ATP8A2: variants seen among roughly 807,000 people sequenced by gnomAD.
ATP8A2 encodes ATPase phospholipid transporting 8A2.
A neutral mutation model predicts 165.6 loss-of-function variants in ATP8A2; 100 were observed. The ratio of observed to expected loss-of-function variants is 0.60; its 90% CI spans 0.51 to 0.71. The LOEUF is 0.71. Ranked by LOEUF, ATP8A2 falls within the 30% of genes least tolerant of loss-of-function variation. The probability of loss-of-function intolerance (pLI) is 0.00; values close to 1 mark genes in which losing one functional copy is unlikely to be tolerated. For synonymous variants in ATP8A2, 543 were observed against 548.8 expected (o/e 0.99, Z 0.15); for missense variants, 1,227 against 1,479.5 (o/e 0.83, Z 2.80).
At chr13:25,766,449 AT>A (rs1382089728) in intron 25 of ATP8A2, among the ~76,000 whole-genome samples, 5 of 152,194 alleles carry the variant, frequency 3.3e-5, no homozygotes, top group Non-Finnish European at 7.3e-5. Context: ...TGACAATGGC[AT>A]GTGGTGATGT....
chr13:25,975,547 A>C (rs1323200028), intron 35 of ATP8A2, among the ~76,000 whole-genome samples: 1 of 151,856 alleles, frequency 6.6e-6, no homozygotes, highest in African/African-American at 2.4e-5. Flanking sequence ...GCGCCACTGC[A>C]CTCCAGCCTG....
At chr13:25,707,687 T>G (rs748326524) in intron 25 of ATP8A2, among the ~76,000 whole-genome samples, 9 of 152,248 alleles carry the variant, frequency 5.9e-5, no homozygotes, top group Non-Finnish European at 1.0e-4. Context: ...ATATGCTGTG[T>G]AATTGGGAAC....
intron 24 of ATP8A2, among the ~76,000 whole-genome samples, chr13:25,642,835 T>G (rs1444553582): frequency 6.6e-6 from 1 of 152,124 alleles, no homozygotes; most frequent in Non-Finnish European, 1.5e-5. Context: ...AGTGATAGAC[T>G]GGATTAAGAA....
intron 33 of ATP8A2, among the ~76,000 whole-genome samples, chr13:25,915,823 G>C (rs1181078096): frequency 6.6e-6 from 1 of 152,172 alleles, no homozygotes; most frequent in Non-Finnish European, 1.5e-5. Context: ...CACCAAGTAA[G>C]GTTTAATAAG....
intron 29 of ATP8A2, among the ~76,000 whole-genome samples, chr13:25,838,637 T>C (rs2138655431): frequency 6.6e-6 from 1 of 152,170 alleles, no homozygotes; most frequent in African/African-American, 2.4e-5. Flanking sequence ...AAAATTCCAT[T>C]GTCTTATAAC....
At chr13:25,386,937 C>G (rs988482064) in intron 1 of ATP8A2, among the ~76,000 whole-genome samples, 5 of 146,670 alleles carry the variant, frequency 3.4e-5, no homozygotes, top group African/African-American at 1.2e-4. Context: ...GCGGAGCTTG[C>G]AGTGAGCCGA....
chr13:26,003,301 A>T (rs1220396174), intron 35 of ATP8A2, among the ~76,000 whole-genome samples: 3 of 151,316 alleles, frequency 2.0e-5, no homozygotes. Context: ...ATCATTCTTC[A>T]TATACCTGTT....
At chr13:25,996,885 C>T (rs1956520499) in intron 35 of ATP8A2, among the ~76,000 whole-genome samples, 1 of 152,190 alleles carries the variant, frequency 6.6e-6, no homozygotes, top group African/African-American at 2.4e-5. Context: ...GGTTTCACCA[C>T]ATTAGCCAGG....
intron 24 of ATP8A2, among the ~76,000 whole-genome samples, chr13:25,639,897 A>G (rs1024776748): frequency 5.3e-5 from 8 of 152,202 alleles, no homozygotes; most frequent in Admixed American, 1.3e-4. Flanking sequence ...AATTATAACA[A>G]ACTATCTCTC....
intron 2 of ATP8A2, among the ~76,000 whole-genome samples, chr13:25,516,445 C>T (rs2037472543): frequency 1.3e-5 from 2 of 152,156 alleles, no homozygotes; most frequent in South Asian, 2.1e-4. Context: ...TTATTTCCCT[C>T]TGTTTGGAAA....
chr13:25,659,458 C>T (rs988778755), intron 24 of ATP8A2, among the ~76,000 whole-genome samples: 21 of 152,136 alleles, frequency 1.4e-4, no homozygotes, highest in Non-Finnish European at 2.9e-5. Context: ...GATGCTCTGC[C>T]CTTTCTCCAG....
At chr13:25,961,771 A>G (rs1955665351) in intron 34 of ATP8A2, 108 bp downstream of exon 34, 2 of 867,186 alleles carry the variant, frequency 2.3e-6, no homozygotes, top group Admixed American at 4.7e-5. Context: ...AATTCGGAAG[A>G]AATGGGTCTC....
intron 7 of ATP8A2, 99 bp downstream of exon 7, chr13:25,538,160 A>G: frequency 1.4e-6 from 1 of 732,768 alleles, no homozygotes. Flanking sequence ...GTTCCCTTCT[A>G]CCATCCTCTC....
chr13:25,413,082 T>G (rs185707257), intron 1 of ATP8A2, among the ~76,000 whole-genome samples: 11 of 152,190 alleles, frequency 7.2e-5, no homozygotes, highest in Admixed American at 3.9e-4. Context: ...TCTCCCAAAG[T>G]GCTGGGATTA....
chr13:25,910,721 T>C (rs1186206848), intron 33 of ATP8A2, among the ~76,000 whole-genome samples: 3 of 152,322 alleles, frequency 2.0e-5, no homozygotes, highest in Admixed American at 2.0e-4. Context: ...CAAGGTTGAA[T>C]GAAGATGGTG....
rs188021176 is a variant in ATP8A2, at chr13:25,549,588, G to A, written c.892-1750G>A. On this transcript the variant is annotated intron_variant, in intron 10 of 36. Coordinates refer to ENST00000381655, the MANE Select transcript of ATP8A2 (RefSeq NM_016529.6). ...AAGTCAGGAATTATTTCACCCCCAG[G>A]AATGGATTATAAATAATTCCCCTGT... is the stretch of plus-strand genomic sequence containing the variant. 2.6e-4 allele frequency among the ~76,000 whole-genome samples: 39 copies of A among 151,984 alleles called. 1 individual carries two copies. In the East Asian group the frequency reaches 7.6e-3, roughly 30 times the overall value.
chr13:25,570,488 C>A (rs963131141), intron 16 of ATP8A2, among the ~76,000 whole-genome samples: 1 of 152,154 alleles, frequency 6.6e-6, no homozygotes. Flanking sequence ...TGTGGAGGTA[C>A]AGGAAGGCTC....
chr13:25,609,737 C>A (rs2138427217), intron 24 of ATP8A2, among the ~76,000 whole-genome samples: 1 of 151,108 alleles, frequency 6.6e-6, no homozygotes, highest in South Asian at 2.1e-4. Context: ...TTTACATTCT[C>A]ACCAGCAGTG....
intron 33 of ATP8A2, among the ~76,000 whole-genome samples, chr13:25,898,539 C>T (rs1409619097): frequency 1.3e-5 from 2 of 152,234 alleles, no homozygotes; most frequent in Non-Finnish European, 2.9e-5. Flanking sequence ...GAGAACCACT[C>T]CTCTCTTCAA....
Sources: allele counts gnomAD v4.1 joint callset (sites outside exome capture counted in the v4.1 genomes callset), GRCh38; gene constraint gnomAD v4.1.1; transcripts MANE v1.5; gene names NCBI Gene and HGNC (gene_info 2026-07-23, HGNC 2026-07-21).